TMEM131L: variants seen among roughly 807,000 people sequenced by gnomAD.
TMEM131L encodes the protein transmembrane 131 like, also known as transmembrane protein 131-like.
In TMEM131L, 54 loss-of-function variants were observed where a neutral mutation model predicts 192.2. That is an observed-to-expected ratio of 0.28 (90% CI 0.23 to 0.35). The LOEUF (loss-of-function observed/expected upper bound fraction) is 0.35, where lower values mean the gene tolerates loss of function less well. TMEM131L is among the 10% of genes least tolerant of loss of function. The pLI, the probability that TMEM131L is intolerant of heterozygous loss-of-function variation, is 1.00. For missense variants in TMEM131L, 1,888 were observed against 1,972.9 expected, an observed-to-expected ratio of 0.96 and a Z score of 0.82; for synonymous variants, 701 against 704.9, an observed-to-expected ratio of 0.99 and a Z score of 0.09.
intron 7 of TMEM131L, among the ~76,000 whole-genome samples, chr4:153,565,185 C>G (rs1357344523): frequency 6.6e-6 from 1 of 152,162 alleles, no homozygotes; most frequent in East Asian, 1.9e-4. Flanking sequence ...TGAAGCTCTG[C>G]AGGAGGGACA....
At chr4:153,611,154 C>T (rs572646035) in intron 25 of TMEM131L, among the ~76,000 whole-genome samples, 4 of 152,238 alleles carry the variant, frequency 2.6e-5, no homozygotes, top group African/African-American at 7.2e-5. Flanking sequence ...GCTCCTCTGC[C>T]GATTGGCTGC....
rs148354355 is a variant in TMEM131L, at chr4:153,623,037, C to T, written c.3999C>T (p.Asp1333=). The change falls in exon 29 of 35, where the codon GAC becomes GAT. Residue 1333 remains aspartate, a synonymous_variant. Transcript: ENST00000409959. ...WGSWSSTSSS[D]GDKKPMVDAQ... is the part of the protein sequence containing the mutation. ...GCTGGAGCAGCACCAGCAGCTCCGA[C>T]GGGGATAAGAAGCCCATGGTGGACG... 72 of 1,613,462 alleles carry T rather than the reference C, an allele frequency of 4.5e-5. No individual in the cohort carries two copies. The highest frequency in any genetic ancestry group is 4.7e-5 in the Non-Finnish European group (55 of 1,179,792).
intron 7 of TMEM131L, among the ~76,000 whole-genome samples, chr4:153,563,020 C>CA (rs1233670653): frequency 1.1e-4 from 17 of 152,150 alleles, no homozygotes; most frequent in Admixed American, 1.1e-3. Flanking sequence ...GTCTGCCTTA[C>CA]ATATGGGTCT....
intron 3 of TMEM131L, among the ~76,000 whole-genome samples, chr4:153,479,853 G>A (rs1400760756): frequency 1.3e-5 from 2 of 152,192 alleles, no homozygotes; most frequent in Non-Finnish European, 2.9e-5. Flanking sequence ...GCTTTTGGCA[G>A]TGAAACATTT....
At chr4:153,500,232 C>G (rs900241440) in intron 3 of TMEM131L, among the ~76,000 whole-genome samples, 9 of 152,140 alleles carry the variant, frequency 5.9e-5, no homozygotes, top group African/African-American at 2.2e-4. Context: ...TCCCATATAG[C>G]TAGGACCACA....
rs752125377 is a variant in TMEM131L at position 153,620,835 on chromosome 4, G to A, written c.3647G>A (p.Arg1216Gln). The part of the protein sequence containing the change: ...NLQNLNWSKS[R>Q]TCRKNKKRGV... ...CAAAATTTAAATTGGAGTAAAAGTC[G>A]AACATGTAGAAAGAACAAGAAAAGG... The change falls in exon 27 of 35, where the codon CGA (arginine) becomes CAA (glutamine). Residue 1216 changes from arginine to glutamine, a missense_variant. By Grantham distance (43) the Arg-to-Gln change is conservative (BLOSUM62 1). Transcript: ENST00000409959. 18 of 1,599,796 alleles carry A rather than the reference G, an allele frequency of 1.1e-5. No individual in the cohort carries two copies. The highest frequency in any genetic ancestry group is 8.1e-5 in the African/African-American group (6 of 74,022).
At chr4:153,473,298 C>G (rs576329881) in intron 2 of TMEM131L, among the ~76,000 whole-genome samples, 2 of 152,252 alleles carry the variant, frequency 1.3e-5, no homozygotes, top group Non-Finnish European at 2.9e-5. Context: ...GCACAGAGTG[C>G]GATGGTGCAC....
At chr4:153,631,074 G>A (rs1734178007) in intron 31 of TMEM131L, among the ~76,000 whole-genome samples, 1 of 152,234 alleles carries the variant, frequency 6.6e-6, no homozygotes. Context: ...ATTAGCCAGA[G>A]CTGTGAGAAC....
chr4:153,513,446 T>C (rs1444615123), intron 3 of TMEM131L, among the ~76,000 whole-genome samples: 1 of 152,218 alleles, frequency 6.6e-6, no homozygotes, highest in East Asian at 1.9e-4. Flanking sequence ...GGTTCAGTTT[T>C]CTTTTCAAAT....
chr4:153,628,285 T>A (rs1733985980), intron 31 of TMEM131L, among the ~76,000 whole-genome samples: 1 of 152,212 alleles, frequency 6.6e-6, no homozygotes, highest in African/African-American at 2.4e-5. Flanking sequence ...AAACCTCTCC[T>A]GCCTGGGGGC....
intron 25 of TMEM131L, 125 bp from the exon 26 acceptor site, chr4:153,612,127 T>TA (rs1451774518): frequency 3.2e-6 from 2 of 631,064 alleles, no homozygotes; most frequent in Admixed American, 8.0e-5. Flanking sequence ...TCATGGATGT[T>TA]AAAAACAATG....
intron 3 of TMEM131L, among the ~76,000 whole-genome samples, chr4:153,506,166 C>T (rs921044720): frequency 4.6e-5 from 7 of 152,118 alleles, no homozygotes; most frequent in Admixed American, 2.0e-4. Context: ...TGGAAGAGCC[C>T]ACCAGGTGAT....
intron 3 of TMEM131L, among the ~76,000 whole-genome samples, chr4:153,481,045 A>G (rs111449398): frequency 0.019 from 2,838 of 152,290 alleles, 93 homozygotes; most frequent in African/African-American, 0.062. Flanking sequence ...GACGAAGTGC[A>G]GGGTCCTGAG....
intron 3 of TMEM131L, among the ~76,000 whole-genome samples, chr4:153,508,919 C>T (rs1395249077): frequency 3.9e-5 from 6 of 152,030 alleles, no homozygotes; most frequent in Admixed American, 6.6e-5. Flanking sequence ...TCTAGGATTA[C>T]AGGCATGAGC....
intron 20 of TMEM131L, among the ~76,000 whole-genome samples, chr4:153,597,590 A>G (rs1731531960): frequency 1.3e-5 from 2 of 152,234 alleles, no homozygotes; most frequent in South Asian, 2.1e-4. Flanking sequence ...CTGCTTCTAT[A>G]GTATTTACAT....
At chr4:153,512,829 G>C (rs1205327393) in intron 3 of TMEM131L, among the ~76,000 whole-genome samples, 1 of 152,120 alleles carries the variant, frequency 6.6e-6, no homozygotes, top group Non-Finnish European at 1.5e-5. Flanking sequence ...GGCCAAGATG[G>C]TCTCGATCTC....
At chr4:153,615,881 C>A (rs1308238463) in intron 26 of TMEM131L, among the ~76,000 whole-genome samples, 1 of 152,178 alleles carries the variant, frequency 6.6e-6, no homozygotes, top group Non-Finnish European at 1.5e-5. Context: ...ACTCTCCTCC[C>A]AGTACTGAAG....
intron 25 of TMEM131L, among the ~76,000 whole-genome samples, chr4:153,606,352 G>C (rs1160856630): frequency 6.6e-6 from 1 of 152,218 alleles, no homozygotes; most frequent in Non-Finnish European, 1.5e-5. Context: ...GTGATCGCTT[G>C]TGCCCACAAG....
intron 7 of TMEM131L, among the ~76,000 whole-genome samples, chr4:153,566,480 G>A (rs559907227): frequency 3.0e-4 from 45 of 151,478 alleles, no homozygotes; most frequent in Middle Eastern, 3.4e-3. Context: ...ACAGAGTTCT[G>A]CCAAATAAAG....
Sources: allele counts gnomAD v4.1 joint callset (sites outside exome capture counted in the v4.1 genomes callset), GRCh38; gene constraint gnomAD v4.1.1; transcripts MANE v1.5; gene names NCBI Gene and HGNC (gene_info 2026-07-23, HGNC 2026-07-21).